Variants in SELENON observed in about 807,000 individuals in gnomAD.
SELENON encodes selenoprotein N, also known as selenoprotein N, 1.
SELENON carries 44 observed loss-of-function variants against 59.5 expected under a neutral mutation model. That is an observed-to-expected ratio of 0.74 (90% confidence interval 0.58 to 0.95). SELENON has a LOEUF of 0.95. Among genes scored for constraint, SELENON ranks in the 40% least tolerant of loss-of-function variants. The probability of loss-of-function intolerance (pLI) is 0.00; values close to 1 mark genes in which losing one functional copy is unlikely to be tolerated. For synonymous variants in SELENON, 320 were observed against 305.6 expected (o/e 1.05, Z -0.49); for missense variants, 674 against 721.4 (o/e 0.93, Z 0.75).
In SELENON at chr1:25,817,120, T is replaced by C. The variant is rs1045100477; in HGVS notation, c.*1402T>C. On this transcript the variant is annotated 3_prime_UTR_variant, in exon 13 of 13. Coordinates refer to ENST00000361547, the MANE Select transcript of SELENON (RefSeq NM_020451.3). ...GGCAGAGGAAGAAGGAAGGCAGACA[T>C]CTCCGCAGCCACTCCTGGGCCTTTT... is the stretch of plus-strand genomic sequence containing the variant. 1.5e-5 allele frequency: 2 copies of C among 133,212 alleles called. No homozygotes were observed. The highest frequency in any genetic ancestry group is 5.6e-5 in the African/African-American group (2 of 35,642). The allele number at this position is 133,212 out of a possible 1,614,324, so 8.3% of individuals were successfully genotyped here. A position where few individuals can be genotyped will look rare whatever the true frequency, so the allele number is the denominator to read the frequency against.
chr1:25,812,008 G>A, intron 9 of SELENON, 129 bp downstream of exon 8: 1 of 1,019,480 alleles, frequency 9.8e-7, no homozygotes, highest in Non-Finnish European at 1.5e-6. Context: ...TCACTGTTGG[G>A]CCCAGCTGTG....
chr1:25,803,177 A>C (rs189203484), intron 3 of SELENON, among the ~76,000 whole-genome samples: 1 of 152,178 alleles, frequency 6.6e-6, no homozygotes, highest in African/African-American at 2.4e-5. Flanking sequence ...TTTTGCATAC[A>C]CTTCTGCGCA....
At chr1:25,812,605 A>ACACACACACACT in intron 9 of SELENON, 82 bp from the exon 9 acceptor site, 1 of 879,644 alleles carries the variant, frequency 1.1e-6, no homozygotes, top group Middle Eastern at 3.3e-4. Flanking sequence ...ACACACACAC[A>ACACACACACACT]CTTGCACACA....
At chr1:25,813,753 T>C in intron 10 of SELENON, 128 bp from the exon 10 acceptor site, 2 of 757,022 alleles carry the variant, frequency 2.6e-6, no homozygotes, top group Non-Finnish European at 4.9e-6. Flanking sequence ...CTACTCTACC[T>C]CAGGCTCTTT....
At chr1:25,811,570 C>T (rs778402734) in intron 8 of SELENON, 35 bp downstream of exon 7, 135 of 1,608,902 alleles carry the variant, frequency 8.4e-5, no homozygotes, top group Non-Finnish European at 1.0e-4. Flanking sequence ...CAGGTGGGCT[C>T]GGCTGCAGGG....
At chr1:25,811,343 C>T (rs1032947716) in intron 7 of SELENON, 111 bp from the exon 7 acceptor site, 3 of 979,710 alleles carry the variant, frequency 3.1e-6, no homozygotes, top group Admixed American at 3.4e-5. Flanking sequence ...CCTTGAGAAA[C>T]CTCAGTGTCC....
intron 4 of SELENON, among the ~76,000 whole-genome samples, chr1:25,806,827 T>C (rs528467563): frequency 2.8e-5 from 4 of 145,150 alleles, no homozygotes; most frequent in East Asian, 2.0e-4. Context: ...TTCTTTTTTT[T>C]TTTTTTTTTT....
chr1:25,809,969 T>C lies in SELENON; in HGVS notation c.1010+149T>C, dbSNP rs1425658314. ...GGGGCTGACGTGGCAGGAGGCGGCA[T>C]GAGGCAGGCAAGAGAATGAGCTGAT... is the stretch of plus-strand genomic sequence containing the variant. On this transcript the variant is annotated intron_variant, in intron 7 of 12. Transcript: ENST00000361547. The C allele has an allele frequency of 1.4e-5, 14 of 1,007,886 alleles. No homozygotes were observed. In the East Asian group the frequency reaches 3.6e-4, roughly 26 times the overall value. 62.4% of individuals were successfully genotyped at this position (1,007,886 alleles called of 1,614,324 possible).
chr1:25,804,354 C>T (rs1391542643), intron 3 of SELENON, among the ~76,000 whole-genome samples: 1 of 152,140 alleles, frequency 6.6e-6, no homozygotes, highest in African/African-American at 2.4e-5. Context: ...AGCCTGCTAG[C>T]CAGTCAGTCA....
rs888954463 is a variant in SELENON, at chr1:25,816,884, T to C, written c.*1166T>C. 1.3e-5 allele frequency: 2 copies of C among 152,594 alleles called. No individual in the cohort carries two copies. The highest frequency in any genetic ancestry group is 1.9e-4 in the East Asian group (1 of 5,190). 9.5% of individuals were successfully genotyped at this position (152,594 alleles called of 1,614,324 possible). A position where few individuals can be genotyped will look rare whatever the true frequency, so the allele number is the denominator to read the frequency against. On this transcript the variant is annotated 3_prime_UTR_variant, in exon 13 of 13. Coordinates refer to ENST00000361547, the MANE Select transcript of SELENON (RefSeq NM_020451.3). Reference sequence around the variant, plus strand: ...CTTGATGTCTTTGCAGCTGCACCTATGGGAAGAAGTAGTCCTCTCTTCCTT... The same window carrying C: ...CTTGATGTCTTTGCAGCTGCACCTACGGGAAGAAGTAGTCCTCTCTTCCTT...
In SELENON at chr1:25,813,758, C is replaced by A. The variant is rs1350460768; in HGVS notation, c.1388-123C>A. The A allele has an allele frequency of 3.9e-6, 3 of 765,828 alleles. No individual in the cohort carries two copies. The African/African-American group carries it at 5.1e-5, about 13-fold the overall frequency. 47.4% of individuals were successfully genotyped at this position (765,828 alleles called of 1,614,324 possible). On this transcript the variant is annotated intron_variant, in intron 10 of 12. Coordinates refer to ENST00000361547, the MANE Select transcript of SELENON (RefSeq NM_020451.3). ...TATTCAGCACCTACTCTACCTCAGGCTCTTTGAATCTGTTATTTCACTTGG... is the reference window on the plus strand; with the variant it reads ...TATTCAGCACCTACTCTACCTCAGGATCTTTGAATCTGTTATTTCACTTGG...
In SELENON at chr1:25,809,047, A is replaced by C; in HGVS notation, c.769A>C (p.Ser257Arg). 1 of 1,613,746 alleles carries C rather than the reference A, an allele frequency of 6.2e-7. No homozygotes were observed. Among genetic ancestry groups the C allele is most frequent in the South Asian group, 1.1e-5 (1 of 91,086 alleles). Reference sequence around the variant, plus strand: ...CCAGGTCATCATCCACCGGCTCCTGAGCATGTTCCACCCTCGGCCCTTTGT... The same window carrying C: ...CCAGGTCATCATCCACCGGCTCCTGCGCATGTTCCACCCTCGGCCCTTTGT... Residue 257 changes from serine to arginine, a missense_variant, in exon 6 of 13, where the codon AGC (serine) becomes CGC (arginine). Coordinates refer to ENST00000361547, the MANE Select transcript of SELENON (RefSeq NM_020451.3).
chr1:25,807,294 A>G lies in SELENON; in HGVS notation c.538-1286A>G, dbSNP rs1405963462. 6.6e-6 allele frequency among the ~76,000 whole-genome samples: 1 copy of G among 152,174 alleles called. No homozygotes were observed. Among genetic ancestry groups the G allele is most frequent in the African/African-American group, 2.4e-5 (1 of 41,432 alleles). ...AAGACAGGGTGCACAGTGTACCCTG[A>G]TAGAAACTTCCTATACAGTAGGTGC... On this transcript the variant is annotated intron_variant, in intron 4 of 12. Transcript: ENST00000361547. This position sits in a 1 kb window ranked among gnomAD's most constrained non-coding sequence, Gnocchi z 4.5.
Position 25,806,819 on chromosome 1 carries a change from C to CTT in SELENON, c.537+1563_537+1564dup, listed in dbSNP as rs889213068. ...GGAAGCAGTGCTGGGGAGCCCCTTT[C>CTT]TTTTTTTTTTTTTTTTTTTTGGGAC... is the stretch of plus-strand genomic sequence containing the variant. On this transcript the variant is annotated intron_variant, in intron 4 of 12. Coordinates refer to ENST00000361547, the MANE Select transcript of SELENON (RefSeq NM_020451.3). Among the ~76,000 whole-genome samples, 265 of 126,942 alleles carry CTT rather than the reference C, an allele frequency of 2.1e-3. 2 individuals carry two copies. Among genetic ancestry groups the CTT allele is most frequent in the African/African-American group, 6.8e-3 (236 of 34,684 alleles). The allele number at this position is 126,942 out of a possible 152,430, so 83.3% of individuals were successfully genotyped here. A position where few individuals can be genotyped will look rare whatever the true frequency, so the allele number is the denominator to read the frequency against.
rs893512368 is a variant in SELENON, at chr1:25,807,593, A to T, written c.538-987A>T. Among the ~76,000 whole-genome samples the T allele has an allele frequency of 6.6e-6, 1 of 152,204 alleles. No individual in the cohort carries two copies. The highest frequency in any genetic ancestry group is 2.4e-5 in the African/African-American group (1 of 41,468). ...AGCAAGCCCAGCACCCATCGCTGGC[A>T]GGTCCCCTGCAGGGGGTGGCAAGCC... is the stretch of plus-strand genomic sequence containing the variant. On this transcript the variant is annotated intron_variant, in intron 4 of 12. Coordinates refer to ENST00000361547, the MANE Select transcript of SELENON (RefSeq NM_020451.3). This position sits in a 1 kb window ranked among gnomAD's most constrained non-coding sequence, Gnocchi z 4.5.
intron 3 of SELENON, 105 bp from the exon 3 acceptor site, chr1:25,805,037 C>T (rs1392374196): frequency 6.7e-7 from 1 of 1,494,910 alleles, no homozygotes; most frequent in Non-Finnish European, 9.2e-7. Flanking sequence ...CCAGCTACCC[C>T]CACCCCCTGC....
At position 25,809,250 on chromosome 1, in the gene SELENON, C is replaced by T. The variant is rs2280997; in HGVS notation, c.872+100C>T. 3 of 1,550,022 alleles carry T rather than the reference C, an allele frequency of 1.9e-6. No individual in the cohort carries two copies. The East Asian group carries it at 6.9e-5, about 36-fold the overall frequency. ...CTTGAGCCCCCCAGCTCCACCTCTC[C>T]TCCCACTGCCGTCTTGGGCAAGCAG... is the stretch of plus-strand genomic sequence containing the variant. On this transcript the variant is annotated intron_variant, in intron 6 of 12. Transcript: ENST00000361547.
In SELENON at chr1:25,808,736, A is replaced by G; in HGVS notation, c.694A>G (p.Thr232Ala). 1 of 1,614,014 alleles carries G rather than the reference A, an allele frequency of 6.2e-7. No homozygotes were observed. Residue 232 changes from threonine (T) to alanine (A), a missense_variant, in exon 5 of 13, where the codon ACT (threonine) becomes GCT (alanine). Transcript: ENST00000361547. Reference sequence around the variant, plus strand: ...CATCCCCAGTGAGCTGAGCATGTTCACTGGCTACCTGTCCAACAACCGCTT... The same window carrying G: ...CATCCCCAGTGAGCTGAGCATGTTCGCTGGCTACCTGTCCAACAACCGCTT...
intron 3 of SELENON, 102 bp from the exon 3 acceptor site, chr1:25,805,040 C>T: frequency 6.6e-7 from 1 of 1,513,044 alleles, no homozygotes; most frequent in Non-Finnish European, 9.1e-7. Context: ...GCTACCCCCA[C>T]CCCCTGCCTG....
Sources: allele counts gnomAD v4.1 joint callset (sites outside exome capture counted in the v4.1 genomes callset), GRCh38; gene constraint gnomAD v4.1.1; non-coding constraint Gnocchi (gnomAD v3.1); transcripts MANE v1.5; gene names NCBI Gene and HGNC (gene_info 2026-07-23, HGNC 2026-07-21).